FRMD4B: variants seen among roughly 807,000 people sequenced by gnomAD.
The protein encoded by FRMD4B is FERM domain containing 4B, also known as FERM domain-containing protein 4B.
A neutral mutation model predicts 141.5 loss-of-function variants in FRMD4B; 74 were observed. The ratio of observed to expected loss-of-function variants is 0.52; its 90% CI spans 0.43 to 0.63. The LOEUF (loss-of-function observed/expected upper bound fraction) is 0.63. FRMD4B is among the 30% of genes least tolerant of loss of function. FRMD4B has a pLI of 0.00. For missense variants in FRMD4B, 1,366 were observed against 1,253.4 expected (o/e 1.09, Z -1.36); for synonymous variants, 506 against 467.9 (o/e 1.08, Z -1.05).
chr3:69,215,145 G>C (rs1338556644), intron 11 of FRMD4B, among the ~76,000 whole-genome samples: 3 of 151,676 alleles, frequency 2.0e-5, no homozygotes, highest in African/African-American at 7.3e-5. Context: ...CTCCCAAAGT[G>C]CTGGGATTAC....
chr3:69,175,165 T>G (rs748894826), intron 22 of FRMD4B, among the ~76,000 whole-genome samples: 1 of 152,208 alleles, frequency 6.6e-6, no homozygotes, highest in Non-Finnish European at 1.5e-5. Context: ...TTTACCAGCA[T>G]AGAAACCTTT....
At chr3:69,350,636 G>A (rs1027012709) in intron 1 of FRMD4B, among the ~76,000 whole-genome samples, 4 of 152,074 alleles carry the variant, frequency 2.6e-5, no homozygotes, top group African/African-American at 9.7e-5. Context: ...ATGGAATACT[G>A]TGCAGCCATA....
chr3:69,241,318 A>G (rs958018802), intron 7 of FRMD4B, among the ~76,000 whole-genome samples: 1 of 152,206 alleles, frequency 6.6e-6, no homozygotes, highest in African/African-American at 2.4e-5. Flanking sequence ...AGAGGCTGAA[A>G]TAAGAGTGGA....
chr3:69,463,104 C>T (rs1449321679), intron 1 of FRMD4B, among the ~76,000 whole-genome samples: 1 of 152,206 alleles, frequency 6.6e-6, no homozygotes, highest in Non-Finnish European at 1.5e-5. Flanking sequence ...TTGACAAATG[C>T]CTACACCTAT....
chr3:69,509,882 T>C (rs1163806869), intron 1 of FRMD4B, among the ~76,000 whole-genome samples: 1 of 151,682 alleles, frequency 6.6e-6, no homozygotes, highest in Non-Finnish European at 1.5e-5. Context: ...GTATCAAATA[T>C]TGCAATCAAG....
chr3:69,487,731 T>G (rs890246756), intron 1 of FRMD4B, among the ~76,000 whole-genome samples: 1 of 152,194 alleles, frequency 6.6e-6, no homozygotes, highest in African/African-American at 2.4e-5. Flanking sequence ...TGTCCAGGGA[T>G]GCTGAGGCAG....
intron 7 of FRMD4B, among the ~76,000 whole-genome samples, chr3:69,242,238 CTA>C (rs2106715078): frequency 6.6e-6 from 1 of 152,274 alleles, no homozygotes; most frequent in African/African-American, 2.4e-5. Flanking sequence ...CCTCTCTTCA[CTA>C]CAGCCTTCCC....
intron 4 of FRMD4B, among the ~76,000 whole-genome samples, chr3:69,292,185 C>T (rs1700896425): frequency 6.6e-6 from 1 of 152,132 alleles, no homozygotes; most frequent in South Asian, 2.1e-4. Context: ...GCCCACCAGC[C>T]TGAGGCAATT....
chr3:69,423,321 G>A lies in FRMD4B; in HGVS notation c.-1+9313C>T, dbSNP rs138137733. The stretch of plus-strand genomic sequence containing the variant: ...GAGCCACCACACTTAGCCTTTGCTC[G>A]AGGTATTTTTGCAATCATTCTCTGA... On this transcript the variant is annotated intron_variant, in intron 2 of 5. Transcript: ENST00000459638. 4.9e-4 allele frequency among the ~76,000 whole-genome samples: 74 copies of A among 152,184 alleles called. No individual in the cohort carries two copies. The East Asian group carries it at 0.014, about 28-fold the overall frequency.
intron 1 of FRMD4B, among the ~76,000 whole-genome samples, chr3:69,467,820 T>C (rs1705819503): frequency 6.6e-6 from 1 of 152,176 alleles, no homozygotes. Context: ...AATGGGATCC[T>C]AGCAGGGGAC....
chr3:69,453,408 T>C (rs1316061428), intron 1 of FRMD4B, among the ~76,000 whole-genome samples: 1 of 152,204 alleles, frequency 6.6e-6, no homozygotes, highest in Admixed American at 6.5e-5. Flanking sequence ...ACCCTCTGAC[T>C]TGGCACCGTG....
At chr3:69,291,919 T>G (rs1422608512) in intron 4 of FRMD4B, among the ~76,000 whole-genome samples, 2 of 148,546 alleles carry the variant, frequency 1.3e-5, no homozygotes, top group South Asian at 2.2e-4. Flanking sequence ...TCTTTTTTTT[T>G]TTTTTTTTTT....
intron 1 of FRMD4B, among the ~76,000 whole-genome samples, chr3:69,529,582 C>G (rs1453415551): frequency 6.6e-6 from 1 of 152,122 alleles, no homozygotes; most frequent in African/African-American, 2.4e-5. Context: ...CCTCAAAGGG[C>G]AGGAGCCTTA....
At chr3:69,316,840 G>T (rs1701816916) in intron 1 of FRMD4B, among the ~76,000 whole-genome samples, 1 of 152,208 alleles carries the variant, frequency 6.6e-6, no homozygotes, top group Non-Finnish European at 1.5e-5. Context: ...TAAAAAATCA[G>T]GCTGGGTGTG....
intron 1 of FRMD4B, among the ~76,000 whole-genome samples, chr3:69,473,984 C>T (rs1705937595): frequency 6.6e-6 from 1 of 151,978 alleles, no homozygotes; most frequent in African/African-American, 2.4e-5. Context: ...TTGTCTTCTC[C>T]CTCTTTTCCA....
chr3:69,278,827 G>A (rs903011106), intron 5 of FRMD4B, among the ~76,000 whole-genome samples: 26 of 151,942 alleles, frequency 1.7e-4, no homozygotes, highest in African/African-American at 6.3e-4. Flanking sequence ...GGGATCAAGC[G>A]ATCTGCGCAT....
chr3:69,406,734 TTTTTG>T, intron 2 of FRMD4B, among the ~76,000 whole-genome samples: 2 of 151,914 alleles, frequency 1.3e-5, no homozygotes, highest in East Asian at 3.9e-4. Context: ...TTAGGTTTTG[TTTTTG>T]TTTTTTTTTT....
At chr3:69,375,210 TCCACC>T (rs754413215) in intron 1 of FRMD4B, among the ~76,000 whole-genome samples, 8,831 of 127,666 alleles carry the variant, frequency 0.069, 543 homozygotes, top group African/African-American at 0.091. Flanking sequence ...CATTCATCCA[TCCACC>T]CCATCCCATC....
intron 5 of FRMD4B, among the ~76,000 whole-genome samples, chr3:69,263,251 C>T (rs534131085): frequency 4.6e-5 from 7 of 151,714 alleles, no homozygotes; most frequent in Admixed American, 6.6e-5. Flanking sequence ...AGCAAGACTC[C>T]GTCTCAAAAA....
Sources: gnomAD v4.1 joint callset for allele counts (sites outside exome capture counted in the v4.1 genomes callset) on GRCh38, gnomAD v4.1.1 for gene constraint, MANE v1.5 for transcripts, NCBI Gene and HGNC (gene_info 2026-07-23, HGNC 2026-07-21) for gene names.